Variants in MCTP1 observed in about 807,000 individuals in gnomAD.
MCTP1 encodes the protein multiple C2 and transmembrane domain-containing protein 1.
A neutral mutation model predicts 120.6 loss-of-function variants in MCTP1; 69 were observed. The ratio of observed to expected loss-of-function variants is 0.57; its 90% CI spans 0.47 to 0.70. The LOEUF (loss-of-function observed/expected upper bound fraction) is 0.70, where lower values mean the gene tolerates loss of function less well. MCTP1 is among the 30% of genes least tolerant of loss of function. The pLI, the probability that MCTP1 is intolerant of heterozygous loss-of-function variation, is 0.00. For synonymous variants in MCTP1, 529 were observed against 493.1 expected (o/e 1.07, Z -0.96); for missense variants, 1,203 against 1,248.8 (o/e 0.96, Z 0.55).
At position 95,284,244 on chromosome 5, in the gene MCTP1, C is replaced by A; in HGVS notation, c.332G>T (p.Gly111Val). ...CSSPEPLEPG[G>V]AGRAEQGSTL... ...GGACCCCTGCTCGGCTCTGCCGGCG[C>A]CGCCGGGCTCCAGGGGCTCCGGCGA... Residue 111 changes from glycine (G) to valine (V), a missense_variant, in exon 1 of 23, where the codon GGC becomes GTC. Transcript: ENST00000515393. The surrounding 1 kb of genome is among the most constrained non-coding windows in gnomAD (Gnocchi z 5.2). 1 of 1,587,000 alleles carries A rather than the reference C, an allele frequency of 6.3e-7. No individual in the cohort carries two copies. Among genetic ancestry groups the A allele is most frequent in the Non-Finnish European group, 8.5e-7 (1 of 1,173,598 alleles).
At chr5:94,839,248 G>T (rs541613913) in intron 17 of MCTP1, among the ~76,000 whole-genome samples, 3 of 152,008 alleles carry the variant, frequency 2.0e-5, no homozygotes, top group African/African-American at 4.8e-5. Flanking sequence ...TTCTATCACC[G>T]CCAAGTTGAA....
At chr5:95,081,490 T>C (rs760122400) in intron 1 of MCTP1, 10 of 1,610,114 alleles carry the variant, frequency 6.2e-6, no homozygotes, top group Non-Finnish European at 8.5e-6. Flanking sequence ...CATAGTTGAT[T>C]AGAAATGAAC....
intron 1 of MCTP1, among the ~76,000 whole-genome samples, chr5:95,185,165 A>G (rs1032838745): frequency 6.6e-6 from 1 of 152,318 alleles, no homozygotes; most frequent in South Asian, 2.1e-4. Flanking sequence ...AGAAAACGGA[A>G]GTGGAGGGAA....
intron 1 of MCTP1, among the ~76,000 whole-genome samples, chr5:95,025,481 T>C (rs543190821): frequency 6.6e-6 from 1 of 152,350 alleles, no homozygotes; most frequent in South Asian, 2.1e-4. Flanking sequence ...AAAAATCAGA[T>C]GCAAAGTACA....
At chr5:95,180,561 A>C (rs1029790164) in intron 1 of MCTP1, among the ~76,000 whole-genome samples, 1 of 151,956 alleles carries the variant, frequency 6.6e-6, no homozygotes, top group African/African-American at 2.4e-5. Flanking sequence ...CTCTTTTGCT[A>C]AACTTTCCCT....
chr5:95,106,618 A>G (rs1757108319), intron 1 of MCTP1, among the ~76,000 whole-genome samples: 2 of 152,178 alleles, frequency 1.3e-5, no homozygotes, highest in Admixed American at 1.3e-4. Context: ...CTGTATTTCC[A>G]TTCGCTTCAA....
At chr5:94,732,459 A>G (rs935770105) in intron 19 of MCTP1, among the ~76,000 whole-genome samples, 3 of 152,024 alleles carry the variant, frequency 2.0e-5, no homozygotes, top group African/African-American at 7.2e-5. Flanking sequence ...AGGTTTGTGT[A>G]TTTCTTCTTA....
chr5:95,032,328 C>T (rs948321545), intron 1 of MCTP1, among the ~76,000 whole-genome samples: 1 of 152,092 alleles, frequency 6.6e-6, no homozygotes, highest in African/African-American at 2.4e-5. Flanking sequence ...AAATTGACCA[C>T]ATGCTTCGTC....
chr5:94,744,938 T>C (rs527529259), intron 19 of MCTP1, among the ~76,000 whole-genome samples: 5 of 152,378 alleles, frequency 3.3e-5, no homozygotes, highest in African/African-American at 1.2e-4. Context: ...CTGCCTGTGC[T>C]GTGCAAACTT....
chr5:94,862,137 A>G lies in MCTP1; in HGVS notation c.2436+6196T>C, dbSNP rs1795927682. 2.0e-5 allele frequency among the ~76,000 whole-genome samples: 3 copies of G among 151,894 alleles called. No homozygotes were observed. In the South Asian group the frequency reaches 6.2e-4, roughly 31 times the overall value. On this transcript the variant is annotated intron_variant, in intron 17 of 22. Coordinates refer to ENST00000515393, the MANE Select transcript of MCTP1 (RefSeq NM_024717.7). ...ATTTTCTTTTCCTCAAATCACTCAC[A>G]GAAGAAAAGTTTTCAAAATTATAGC...
chr5:94,904,234 A>G (rs1806224591), intron 10 of MCTP1, among the ~76,000 whole-genome samples: 1 of 152,196 alleles, frequency 6.6e-6, no homozygotes, highest in Non-Finnish European at 1.5e-5. Context: ...TGAATACAAG[A>G]GTGTGATGAA....
Position 94,912,953 on chromosome 5 carries a change from T to C in MCTP1, c.1374A>G (p.Leu458=), listed in dbSNP as rs764079646. Reference sequence around the variant, plus strand: ...GATGCGATTTTCTGTGTAGGTCTGATAGGCGTAAACTTTGGGTCTGAAACT... The same window carrying C: ...GATGCGATTTTCTGTGTAGGTCTGACAGGCGTAAACTTTGGGTCTGAAACT... ...NVQFQTQSLR[L]SDLHRKSHLW... is the part of the protein sequence containing the mutation. Residue 458 remains leucine (L), a synonymous_variant, in exon 9 of 23, where the codon CTA becomes CTG. Coordinates refer to ENST00000515393, the MANE Select transcript of MCTP1 (RefSeq NM_024717.7). The C allele has an allele frequency of 1.3e-6, 2 of 1,597,276 alleles. No individual in the cohort carries two copies. The highest frequency in any genetic ancestry group is 1.7e-6 in the Non-Finnish European group (2 of 1,173,280).
intron 1 of MCTP1, among the ~76,000 whole-genome samples, chr5:95,234,752 T>C (rs1319468939): frequency 6.6e-6 from 1 of 152,056 alleles, no homozygotes; most frequent in Non-Finnish European, 1.5e-5. Flanking sequence ...TATAGACAAA[T>C]TCCTTAAAAG....
intron 5 of MCTP1, among the ~76,000 whole-genome samples, chr5:94,937,687 T>A (rs1213415195): frequency 1.3e-5 from 2 of 152,102 alleles, no homozygotes; most frequent in Non-Finnish European, 2.9e-5. Flanking sequence ...CATATTTCTG[T>A]GTAATTTAGA....
chr5:95,166,808 C>A (rs1409366807), intron 1 of MCTP1, among the ~76,000 whole-genome samples: 1 of 152,016 alleles, frequency 6.6e-6, no homozygotes, highest in East Asian at 1.9e-4. Flanking sequence ...ACCTTGTGAT[C>A]CGCCCGCCTC....
At chr5:95,216,596 C>A (rs1273355822) in intron 1 of MCTP1, among the ~76,000 whole-genome samples, 4 of 152,128 alleles carry the variant, frequency 2.6e-5, no homozygotes, top group Admixed American at 6.6e-5. Flanking sequence ...GAAATCCCAC[C>A]AGATGTCAAA....
chr5:94,799,566 G>C (rs1371881751), intron 17 of MCTP1, among the ~76,000 whole-genome samples: 1 of 152,008 alleles, frequency 6.6e-6, no homozygotes, highest in East Asian at 1.9e-4. Context: ...ATAATACAAT[G>C]TAACAAGCTT....
At chr5:94,722,602 G>A (rs1161309751) in intron 19 of MCTP1, among the ~76,000 whole-genome samples, 2 of 152,072 alleles carry the variant, frequency 1.3e-5, no homozygotes, top group Non-Finnish European at 2.9e-5. Context: ...CAAGGCATAT[G>A]GTCACCTTAT....
chr5:94,800,286 A>C (rs779116721), intron 17 of MCTP1, among the ~76,000 whole-genome samples: 1 of 152,228 alleles, frequency 6.6e-6, no homozygotes, highest in Non-Finnish European at 1.5e-5. Context: ...AGATTATAAT[A>C]CTGGAAGCTA....
Sources: gnomAD v4.1 joint callset for allele counts (sites outside exome capture counted in the v4.1 genomes callset) on GRCh38, gnomAD v4.1.1 for gene constraint, Gnocchi (gnomAD v3.1) non-coding constraint, MANE v1.5 for transcripts, NCBI Gene and HGNC (gene_info 2026-07-23, HGNC 2026-07-21) for gene names.